GBE1: variants seen among roughly 807,000 people sequenced by gnomAD.
The protein encoded by GBE1 is 1,4-alpha-glucan-branching enzyme.
Under a neutral mutation model 88.8 loss-of-function variants are expected in GBE1, and 70 were observed. That is an observed-to-expected ratio of 0.79 (90% CI 0.65 to 0.96). GBE1 has a LOEUF of 0.96. Among genes scored for constraint, GBE1 ranks in the 40% least tolerant of loss-of-function variants. The pLI, the probability that GBE1 is intolerant of heterozygous loss-of-function variation, is 0.00. For synonymous variants in GBE1, 284 were observed against 300.1 expected, an observed-to-expected ratio of 0.95 and a Z score of 0.56; for missense variants, 872 against 871.0, an observed-to-expected ratio of 1.00 and a Z score of -0.01.
At chr3:81,568,612 C>T (rs767020997) in intron 12 of GBE1, among the ~76,000 whole-genome samples, 9 of 152,048 alleles carry the variant, frequency 5.9e-5, no homozygotes, top group Non-Finnish European at 1.0e-4. Flanking sequence ...ATTCCTAGTA[C>T]GGAATGTGTA....
At chr3:81,525,817 C>T (rs1196716350) in intron 14 of GBE1, among the ~76,000 whole-genome samples, 9 of 152,008 alleles carry the variant, frequency 5.9e-5, no homozygotes, top group South Asian at 2.1e-4. Context: ...GGATTATTTG[C>T]GCAGAGGTGT....
intron 1 of GBE1, among the ~76,000 whole-genome samples, chr3:81,727,487 A>G (rs2107199456): frequency 6.6e-6 from 1 of 152,318 alleles, no homozygotes; most frequent in Non-Finnish European, 1.5e-5. Context: ...ATTGTTATAG[A>G]TTTTGGAGGC....
chr3:81,695,692 A>C (rs528758734), intron 2 of GBE1, among the ~76,000 whole-genome samples: 1 of 152,222 alleles, frequency 6.6e-6, no homozygotes, highest in African/African-American at 2.4e-5. Context: ...AAAGAAAGAA[A>C]TAAAATAAAT....
intron 7 of GBE1, among the ~76,000 whole-genome samples, chr3:81,610,243 A>T (rs767159696): frequency 6.6e-6 from 1 of 152,162 alleles, no homozygotes; most frequent in Non-Finnish European, 1.5e-5. Flanking sequence ...CAAGGATACA[A>T]CCCCTTGACC....
At chr3:81,664,466 G>T (rs1173612910) in intron 3 of GBE1, among the ~76,000 whole-genome samples, 1 of 147,210 alleles carries the variant, frequency 6.8e-6, no homozygotes, top group Non-Finnish European at 1.5e-5. Context: ...AAACCTGCCA[G>T]CACTACGAAG....
At chr3:81,626,452 A>G (rs1251418468) in intron 7 of GBE1, among the ~76,000 whole-genome samples, 1 of 152,224 alleles carries the variant, frequency 6.6e-6, no homozygotes, top group East Asian at 1.9e-4. Context: ...ACTACAGATT[A>G]TAAGTAAGTA....
At chr3:81,560,970 T>A (rs1703408057) in intron 12 of GBE1, among the ~76,000 whole-genome samples, 1 of 152,052 alleles carries the variant, frequency 6.6e-6, no homozygotes, top group Non-Finnish European at 1.5e-5. Context: ...TTCTCATTTA[T>A]AACTTATACT....
intron 7 of GBE1, among the ~76,000 whole-genome samples, chr3:81,609,830 G>A (rs1037354965): frequency 6.6e-6 from 1 of 152,154 alleles, no homozygotes; most frequent in African/African-American, 2.4e-5. Flanking sequence ...TAGTGCAGAC[G>A]TTAGAGATTG....
chr3:81,732,459 A>G (rs775347815), intron 1 of GBE1, among the ~76,000 whole-genome samples: 10 of 152,148 alleles, frequency 6.6e-5, no homozygotes, highest in African/African-American at 1.2e-4. Context: ...CTGTCCCTAT[A>G]TCTAACTAAA....
intron 1 of GBE1, 77 bp downstream of exon 1, chr3:81,761,298 G>T: frequency 6.6e-7 from 1 of 1,512,020 alleles, no homozygotes; most frequent in Non-Finnish European, 8.9e-7. Flanking sequence ...GAGGGCCGAG[G>T]GGCGGCCCGT....
chr3:81,619,547 T>A (rs1365658489), intron 7 of GBE1, among the ~76,000 whole-genome samples: 1 of 152,078 alleles, frequency 6.6e-6, no homozygotes, highest in East Asian at 1.9e-4. Context: ...ATTCCATTAA[T>A]CAAGAGAAAA....
At chr3:81,730,770 A>C (rs1248189042) in intron 1 of GBE1, among the ~76,000 whole-genome samples, 1 of 152,208 alleles carries the variant, frequency 6.6e-6, no homozygotes, top group Admixed American at 6.5e-5. Context: ...AACTTCATAA[A>C]GAACCCCGTG....
intron 7 of GBE1, among the ~76,000 whole-genome samples, chr3:81,597,470 T>C (rs1247253499): frequency 2.2e-5 from 3 of 137,842 alleles, no homozygotes; most frequent in East Asian, 2.2e-4. Context: ...CAAATATATA[T>C]ATATATCTCA....
chr3:81,582,808 T>A (rs914426873), intron 10 of GBE1, among the ~76,000 whole-genome samples: 13 of 151,820 alleles, frequency 8.6e-5, no homozygotes, highest in African/African-American at 3.1e-4. Flanking sequence ...GTAAAAACCA[T>A]AAGAGAGTCA....
At chr3:81,527,096 T>C (rs569582016) in intron 14 of GBE1, among the ~76,000 whole-genome samples, 2 of 151,914 alleles carry the variant, frequency 1.3e-5, no homozygotes, top group Non-Finnish European at 1.5e-5. Flanking sequence ...CTTTGACAAA[T>C]CTGACAAAAA....
intron 14 of GBE1, among the ~76,000 whole-genome samples, chr3:81,515,320 A>G (rs1018899351): frequency 2.0e-5 from 3 of 151,372 alleles, no homozygotes; most frequent in African/African-American, 7.3e-5. Context: ...ATTCATAATT[A>G]TATTATTTTT....
intron 12 of GBE1, among the ~76,000 whole-genome samples, chr3:81,550,744 C>G (rs1703260369): frequency 6.6e-6 from 1 of 152,146 alleles, no homozygotes; most frequent in Admixed American, 6.5e-5. Flanking sequence ...CCATGACAGT[C>G]TACAAATGCC....
At chr3:81,566,786 T>G (rs911590486) in intron 12 of GBE1, among the ~76,000 whole-genome samples, 1 of 152,172 alleles carries the variant, frequency 6.6e-6, no homozygotes, top group African/African-American at 2.4e-5. Context: ...TTTGTCTTTT[T>G]TCTGGGGGGA....
intron 14 of GBE1, among the ~76,000 whole-genome samples, chr3:81,518,164 A>C (rs1053195923): frequency 6.6e-6 from 1 of 151,410 alleles, no homozygotes; most frequent in Non-Finnish European, 1.5e-5. Context: ...TTATGACAAT[A>C]TTTCTGATAT....
Sources: allele counts gnomAD v4.1 joint callset (sites outside exome capture counted in the v4.1 genomes callset), GRCh38; gene constraint gnomAD v4.1.1; transcripts MANE v1.5; gene names NCBI Gene and HGNC (gene_info 2026-07-23, HGNC 2026-07-21).